The following L3MBTL3 variants were observed in gnomAD, a reference collection of about 807,000 sequenced individuals.
L3MBTL3 encodes the protein L3MBTL histone methyl-lysine binding protein 3.
L3MBTL3 carries 27 observed loss-of-function variants against 102.3 expected under a neutral mutation model. The observed-to-expected ratio is 0.26, with a 90% CI of 0.19 to 0.36. The LOEUF is 0.36. Ranked by LOEUF, L3MBTL3 falls within the 10% of genes least tolerant of loss-of-function variation. The pLI is 1.00. For missense variants in L3MBTL3, 798 were observed against 955.3 expected (o/e 0.84, Z 2.17); for synonymous variants, 340 against 320.9 (o/e 1.06, Z -0.64).
intron 22 of L3MBTL3, 99 bp downstream of exon 22, chr6:130,134,004 G>T: frequency 1.1e-6 from 1 of 906,472 alleles, no homozygotes; most frequent in Non-Finnish European, 1.8e-6. Flanking sequence ...GTCAAAAAGA[G>T]ATGGGGTGTG....
chr6:130,042,190 TTAGG>T (rs1448470693), intron 2 of L3MBTL3, among the ~76,000 whole-genome samples: 1 of 152,196 alleles, frequency 6.6e-6, no homozygotes, highest in Non-Finnish European at 1.5e-5. Context: ...TTATCACAAT[TTAGG>T]TAGCCAAATT....
At chr6:130,094,084 G>T (rs1472248082) in intron 17 of L3MBTL3, among the ~76,000 whole-genome samples, 181 bp from the exon 18 acceptor site, 1 of 152,084 alleles carries the variant, frequency 6.6e-6, no homozygotes, top group African/African-American at 2.4e-5. Flanking sequence ...ACCTTTAAAC[G>T]TAGCGTCTTT....
At chr6:130,053,655 A>C (rs1170416852) in intron 7 of L3MBTL3, among the ~76,000 whole-genome samples, 1 of 151,938 alleles carries the variant, frequency 6.6e-6, no homozygotes, top group Non-Finnish European at 1.5e-5. Flanking sequence ...AACAAAAAAA[A>C]CTATCTGAGT....
intron 19 of L3MBTL3, among the ~76,000 whole-genome samples, chr6:130,119,348 A>G (rs1785962230): frequency 6.6e-6 from 1 of 152,182 alleles, no homozygotes; most frequent in South Asian, 2.1e-4. Context: ...GAATTTGTGC[A>G]CTCAATATTA....
chr6:130,027,215 T>C (rs1018065882), intron 2 of L3MBTL3, among the ~76,000 whole-genome samples: 6 of 152,208 alleles, frequency 3.9e-5, no homozygotes, highest in African/African-American at 7.2e-5. Context: ...ATTGTAGGCA[T>C]TGATTACAAG....
intron 9 of L3MBTL3, among the ~76,000 whole-genome samples, chr6:130,059,077 TA>T (rs1057140658): frequency 7.9e-5 from 12 of 151,262 alleles, no homozygotes; most frequent in South Asian, 2.1e-4. Context: ...TTTTTCACAT[TA>T]AAAAAAAAGT....
chr6:130,028,622 T>C (rs1453458868), intron 2 of L3MBTL3, among the ~76,000 whole-genome samples: 1 of 152,208 alleles, frequency 6.6e-6, no homozygotes, highest in East Asian at 1.9e-4. Context: ...AATATATGTG[T>C]GATTCAGAGT....
intron 19 of L3MBTL3, among the ~76,000 whole-genome samples, chr6:130,106,156 A>G (rs1388570507): frequency 1.3e-5 from 2 of 152,188 alleles, no homozygotes; most frequent in African/African-American, 2.4e-5. Context: ...AATACTTATC[A>G]TTAGTAATTA....
chr6:130,024,004 G>A (rs1779176755), intron 2 of L3MBTL3, among the ~76,000 whole-genome samples: 1 of 152,130 alleles, frequency 6.6e-6, no homozygotes, highest in Non-Finnish European at 1.5e-5. Flanking sequence ...TAAGTAGAAG[G>A]AGTAAATGAA....
intron 12 of L3MBTL3, 99 bp downstream of exon 12, chr6:130,068,520 T>A (rs982391616): frequency 1.5e-6 from 1 of 648,172 alleles, no homozygotes; most frequent in African/African-American, 1.8e-5. Flanking sequence ...TAATAAATTT[T>A]ATCGCCTTGG....
At chr6:130,084,543 ATG>A (rs1468735505) in intron 15 of L3MBTL3, among the ~76,000 whole-genome samples, 4 of 152,194 alleles carry the variant, frequency 2.6e-5, no homozygotes, top group African/African-American at 9.6e-5. Context: ...ATATCAAAAA[ATG>A]TGTGTGATTT....
chr6:130,050,883 TAAA>T (rs1781052426), intron 5 of L3MBTL3, among the ~76,000 whole-genome samples: 3 of 152,312 alleles, frequency 2.0e-5, no homozygotes, highest in South Asian at 2.1e-4. Context: ...AAATGTGAAA[TAAA>T]AGAAGATCCT....
intron 20 of L3MBTL3, among the ~76,000 whole-genome samples, chr6:130,122,540 G>T (rs778998413): frequency 1.3e-5 from 2 of 152,230 alleles, no homozygotes; most frequent in Non-Finnish European, 2.9e-5. Flanking sequence ...TAATGAGGAT[G>T]AAGTACAGTC....
chr6:130,037,798 C>T (rs72987392), intron 2 of L3MBTL3, among the ~76,000 whole-genome samples: 14 of 152,190 alleles, frequency 9.2e-5, no homozygotes, highest in Non-Finnish European at 1.3e-4. Flanking sequence ...AAAATCCAAT[C>T]GTCTGACTCT....
intron 19 of L3MBTL3, among the ~76,000 whole-genome samples, chr6:130,106,268 T>A (rs1784975483): frequency 6.6e-6 from 1 of 152,174 alleles, no homozygotes; most frequent in South Asian, 2.1e-4. Context: ...ATCTTTTGAG[T>A]CAATGAGGTC....
intron 7 of L3MBTL3, among the ~76,000 whole-genome samples, chr6:130,053,746 A>C (rs543458787): frequency 6.6e-6 from 1 of 152,312 alleles, no homozygotes; most frequent in Admixed American, 6.5e-5. Flanking sequence ...TAAATATCAT[A>C]TTCCTAAAGG....
chr6:130,092,800 C>T lies in L3MBTL3; in HGVS notation c.1574C>T (p.Pro525Leu). 6.2e-7 allele frequency: 1 copy of T among 1,613,384 alleles called. No individual in the cohort carries two copies. The highest frequency in any genetic ancestry group is 8.5e-7 in the Non-Finnish European group (1 of 1,179,486). The change falls in exon 17 of 23, where the codon CCT becomes CTT. Residue 525 changes from proline to leucine, a missense_variant. Pro to Leu is a moderately conservative substitution (Grantham distance 98). Coordinates refer to ENST00000361794, the MANE Select transcript of L3MBTL3 (RefSeq NM_032438.4). ...CYDYWIDADS[P>L]DIHPVGWCSK... is the part of the protein sequence containing the mutation. Reference sequence around the variant, plus strand: ...GATTACTGGATAGATGCAGATTCTCCTGATATTCACCCTGTAGGCTGGTGT... The same window carrying T: ...GATTACTGGATAGATGCAGATTCTCTTGATATTCACCCTGTAGGCTGGTGT...
chr6:130,110,306 C>T (rs1283430112), intron 19 of L3MBTL3, among the ~76,000 whole-genome samples: 2 of 152,166 alleles, frequency 1.3e-5, no homozygotes, highest in African/African-American at 4.8e-5. Context: ...GCCATTTTCA[C>T]GATATTGTTT....
chr6:130,040,774 G>T (rs1780369276), intron 2 of L3MBTL3, among the ~76,000 whole-genome samples: 1 of 152,172 alleles, frequency 6.6e-6, no homozygotes, highest in African/African-American at 2.4e-5. Flanking sequence ...CCAGGAGCTT[G>T]CATCCATGGT....
Sources: allele counts gnomAD v4.1 joint callset (sites outside exome capture counted in the v4.1 genomes callset), GRCh38; gene constraint gnomAD v4.1.1; transcripts MANE v1.5; gene names NCBI Gene and HGNC (gene_info 2026-07-23, HGNC 2026-07-21).